GABRG3: variants seen among roughly 807,000 people sequenced by gnomAD.
GABRG3 encodes gamma-aminobutyric acid type A receptor subunit gamma3, also known as gamma-aminobutyric acid receptor subunit gamma-3.
In GABRG3, 25 loss-of-function variants were observed where a neutral mutation model predicts 48.8. The ratio of observed to expected loss-of-function variants is 0.51; its 90% CI spans 0.37 to 0.72. GABRG3 has a LOEUF of 0.72. Among genes scored for constraint, GABRG3 ranks in the 30% least tolerant of loss-of-function variants. GABRG3 has a pLI of 0.00. For synonymous variants in GABRG3, 227 were observed against 217.6 expected (o/e 1.04, Z -0.38); for missense variants, 394 against 577.9 (o/e 0.68, Z 3.26).
intron 3 of GABRG3, among the ~76,000 whole-genome samples, chr15:27,222,395 C>T (rs1193771710): frequency 2.0e-5 from 3 of 152,204 alleles, no homozygotes; most frequent in African/African-American, 7.2e-5. Flanking sequence ...TAAGTATTAC[C>T]TATAATTACT....
intron 5 of GABRG3, among the ~76,000 whole-genome samples, chr15:27,419,884 G>A (rs972302384): frequency 6.6e-6 from 1 of 152,102 alleles, no homozygotes; most frequent in Admixed American, 6.6e-5. Flanking sequence ...AAATGTATAG[G>A]ATAGACTGGA....
chr15:27,427,266 T>A (rs1386795394), intron 5 of GABRG3, among the ~76,000 whole-genome samples: 1 of 152,224 alleles, frequency 6.6e-6, no homozygotes, highest in African/African-American at 2.4e-5. Context: ...CACAATCTTA[T>A]CTGATCTTAA....
At chr15:27,223,720 G>A (rs887044026) in intron 3 of GABRG3, among the ~76,000 whole-genome samples, 10 of 151,956 alleles carry the variant, frequency 6.6e-5, no homozygotes, top group African/African-American at 1.2e-4. Flanking sequence ...CTTGTCCCCC[G>A]TGCCACACTT....
rs140671 is a variant in GABRG3, at chr15:26,976,951, C to A, written c.54-51C>A. Reference sequence around the variant, plus strand: ...TGGATAGGACAAACTTAGGCTCTTCCTAGAGCCATTGCTGCCACTTATATG... The same window carrying A: ...TGGATAGGACAAACTTAGGCTCTTCATAGAGCCATTGCTGCCACTTATATG... On this transcript the variant is annotated intron_variant, in intron 1 of 9. Transcript: ENST00000615808. The surrounding 1 kb of genome is among the most constrained non-coding windows in gnomAD (Gnocchi z 7.8). 9 of 1,602,596 alleles carry A rather than the reference C, an allele frequency of 5.6e-6. No homozygotes were observed. Among genetic ancestry groups the A allele is most frequent in the East Asian group, 4.5e-5 (2 of 44,802 alleles).
intron 5 of GABRG3, among the ~76,000 whole-genome samples, chr15:27,355,780 C>A (rs111573435): frequency 0.01 from 1,532 of 152,254 alleles, 29 homozygotes; most frequent in African/African-American, 0.035. Context: ...AATGAATATT[C>A]TTCAGCCTTA....
intron 5 of GABRG3, among the ~76,000 whole-genome samples, chr15:27,467,596 T>A (rs111659712): frequency 5.3e-5 from 8 of 152,376 alleles, no homozygotes; most frequent in African/African-American, 1.9e-4. Flanking sequence ...TTTATGTTGA[T>A]AAACTTTTTG....
chr15:27,204,767 C>G (rs538599473), intron 3 of GABRG3, among the ~76,000 whole-genome samples: 1 of 151,914 alleles, frequency 6.6e-6, no homozygotes, highest in Non-Finnish European at 1.5e-5. Context: ...CCTTGTCTAG[C>G]TGTATTTCTA....
At chr15:27,141,044 A>G (rs1022453901) in intron 3 of GABRG3, among the ~76,000 whole-genome samples, 5 of 152,104 alleles carry the variant, frequency 3.3e-5, no homozygotes, top group Admixed American at 3.3e-4. Flanking sequence ...GGTTCCCTAT[A>G]CAGAAAAGTG....
chr15:27,029,830 G>A lies in GABRG3; in HGVS notation c.270+3009G>A, dbSNP rs545752704. Among the ~76,000 whole-genome samples, 13 of 152,232 alleles carry A rather than the reference G, an allele frequency of 8.5e-5. No homozygotes were observed. The South Asian group carries it at 1.2e-3, about 15-fold the overall frequency. ...AAAGCCCTCAGGAGGCAGGGGCCTC[G>A]GGGACCACTTCTGGAAGAATGAGTG... is the stretch of plus-strand genomic sequence containing the variant. On this transcript the variant is annotated intron_variant, in intron 3 of 9. Coordinates refer to ENST00000615808, the MANE Select transcript of GABRG3 (RefSeq NM_033223.5).
intron 5 of GABRG3, among the ~76,000 whole-genome samples, chr15:27,432,485 C>A (rs1295103449): frequency 6.6e-6 from 1 of 152,134 alleles, no homozygotes; most frequent in Non-Finnish European, 1.5e-5. Flanking sequence ...GTCTAGCATT[C>A]TTTCATTAGC....
chr15:27,003,855 T>C (rs1266551308), intron 2 of GABRG3, among the ~76,000 whole-genome samples: 1 of 120,118 alleles, frequency 8.3e-6, no homozygotes, highest in Non-Finnish European at 1.8e-5. Flanking sequence ...CGGGGGGGGC[T>C]GACCCCCCCA....
intron 3 of GABRG3, among the ~76,000 whole-genome samples, chr15:27,260,485 AG>A (rs1259230404): frequency 6.6e-6 from 1 of 152,198 alleles, no homozygotes; most frequent in African/African-American, 2.4e-5. Flanking sequence ...ACCTGTAAAC[AG>A]TAGGTCTTTA....
intron 6 of GABRG3, among the ~76,000 whole-genome samples, chr15:27,484,881 A>G (rs1451609844): frequency 6.6e-6 from 1 of 152,246 alleles, no homozygotes; most frequent in Non-Finnish European, 1.5e-5. Context: ...ATAAATATCC[A>G]TGAGGCCACA....
intron 3 of GABRG3, among the ~76,000 whole-genome samples, chr15:27,083,067 T>C (rs1897017594): frequency 1.3e-5 from 2 of 152,226 alleles, no homozygotes; most frequent in Non-Finnish European, 2.9e-5. Flanking sequence ...AAGGTAAAGA[T>C]CAAACCAGCC....
At chr15:27,263,657 T>C (rs936573356) in intron 3 of GABRG3, among the ~76,000 whole-genome samples, 2 of 152,176 alleles carry the variant, frequency 1.3e-5, no homozygotes, top group Non-Finnish European at 2.9e-5. Context: ...AAGTTAATGG[T>C]ATTCAGTTAT....
intron 5 of GABRG3, among the ~76,000 whole-genome samples, chr15:27,436,171 C>T (rs1888603500): frequency 1.3e-5 from 2 of 152,190 alleles, no homozygotes; most frequent in Admixed American, 1.3e-4. Context: ...AGTTCAAGAT[C>T]AAGGCACTAG....
chr15:27,350,891 GTGTGTGTTTGTGTGTGTGTATCA>G (rs1012120618), intron 5 of GABRG3, among the ~76,000 whole-genome samples: 6 of 151,104 alleles, frequency 4.0e-5, no homozygotes, highest in African/African-American at 1.2e-4. Context: ...TGTGTGTGTC[GTGTGTGTTTGTGTGTGTGTATCA>G]TGTGTGTTTG....
chr15:27,519,082 A>C (rs1298397135), intron 6 of GABRG3, among the ~76,000 whole-genome samples: 1 of 152,120 alleles, frequency 6.6e-6, no homozygotes, highest in Non-Finnish European at 1.5e-5. Flanking sequence ...AGGTATTGGC[A>C]CGGGGAAGGT....
intron 3 of GABRG3, among the ~76,000 whole-genome samples, chr15:27,308,243 T>TC (rs1892784676): frequency 7.6e-6 from 1 of 131,214 alleles, no homozygotes; most frequent in Non-Finnish European, 1.6e-5. Flanking sequence ...TATCCAAACA[T>TC]ATATAAACAT....
Sources: allele counts gnomAD v4.1 joint callset (sites outside exome capture counted in the v4.1 genomes callset), GRCh38; gene constraint gnomAD v4.1.1; non-coding constraint Gnocchi (gnomAD v3.1); transcripts MANE v1.5; gene names NCBI Gene and HGNC (gene_info 2026-07-23, HGNC 2026-07-21).